Variants in GPC5 observed in about 807,000 individuals in gnomAD.
The protein encoded by GPC5 is glypican-5.
A neutral mutation model predicts 53.9 loss-of-function variants in GPC5; 47 were observed. That is an observed-to-expected ratio of 0.87 (90% confidence interval 0.69 to 1.11). GPC5 has a LOEUF of 1.11. Ranked by LOEUF, GPC5 falls within the 50% of genes most tolerant of loss-of-function variation. GPC5 has a pLI of 0.00. For missense variants in GPC5, 748 were observed against 713.1 expected (o/e 1.05, Z -0.56); for synonymous variants, 286 against 263.3 (o/e 1.09, Z -0.84).
intron 7 of GPC5, among the ~76,000 whole-genome samples, chr13:92,666,635 G>A (rs1886574868): frequency 1.3e-5 from 2 of 152,138 alleles, no homozygotes; most frequent in African/African-American, 4.8e-5. Context: ...GTAGACTAGT[G>A]AATTAAAATT....
chr13:92,621,647 C>T (rs773470027), intron 7 of GPC5, among the ~76,000 whole-genome samples: 8 of 151,954 alleles, frequency 5.3e-5, no homozygotes, highest in Non-Finnish European at 1.0e-4. Flanking sequence ...TGGTGGAACC[C>T]CTGTCTCTAC....
At position 92,257,546 on chromosome 13, in the gene GPC5, A is replaced by T. The variant is rs1594042714; in HGVS notation, c.1561+112557A>T. On this transcript the variant is annotated intron_variant, in intron 7 of 7. Coordinates refer to ENST00000377067, the MANE Select transcript of GPC5 (RefSeq NM_004466.6). ...AGTGAGAGAGGTTTCTAATACAGGG[A>T]TTTTTTTTTTTTTTTTTTTTTGGGG... is the stretch of plus-strand genomic sequence containing the variant. Among the ~76,000 whole-genome samples, 145 of 72,924 alleles carry T rather than the reference A, an allele frequency of 2.0e-3. 1 individual carries two copies. Among genetic ancestry groups the T allele is most frequent in the African/African-American group, 3.6e-3 (46 of 12,938 alleles). 47.8% of individuals were successfully genotyped at this position (72,924 alleles called of 152,430 possible).
rs377181007 is a variant in GPC5, at chr13:92,193,336, CA to C, written c.1561+48350del. ...ACTGGTTCATAACTCAAAATGGAAT[CA>C]AATAGCATACATATTTGCATTTATA... On this transcript the variant is annotated intron_variant, in intron 7 of 7. Transcript: ENST00000377067. 4.6e-4 allele frequency among the ~76,000 whole-genome samples: 70 copies of C among 152,068 alleles called. 1 individual carries two copies. Among genetic ancestry groups the C allele is most frequent in the African/African-American group, 1.6e-3 (68 of 41,406 alleles).
intron 1 of GPC5, among the ~76,000 whole-genome samples, chr13:91,431,144 G>T (rs576120353): frequency 4.6e-5 from 7 of 152,250 alleles, no homozygotes; most frequent in African/African-American, 1.4e-4. Flanking sequence ...CTCCCAAAGT[G>T]CTGGGATTAC....
chr13:91,914,382 A>G (rs2039638626), intron 6 of GPC5, among the ~76,000 whole-genome samples: 1 of 152,146 alleles, frequency 6.6e-6, no homozygotes, highest in Non-Finnish European at 1.5e-5. Flanking sequence ...AAACCTAACA[A>G]TTCAAATAAC....
chr13:92,672,978 C>T (rs1886800552), intron 7 of GPC5, among the ~76,000 whole-genome samples: 1 of 151,950 alleles, frequency 6.6e-6, no homozygotes, highest in Non-Finnish European at 1.5e-5. Flanking sequence ...TACCACAAAC[C>T]CCCATGACAC....
chr13:92,226,288 C>T (rs532241483), intron 7 of GPC5, among the ~76,000 whole-genome samples: 168 of 152,278 alleles, frequency 1.1e-3, no homozygotes, highest in Non-Finnish European at 2.1e-3. Context: ...CATTCCAGTT[C>T]ATTTTTATTT....
chr13:92,265,972 G>C (rs1198027193), intron 7 of GPC5, among the ~76,000 whole-genome samples: 1 of 152,204 alleles, frequency 6.6e-6, no homozygotes, highest in Admixed American at 6.5e-5. Flanking sequence ...GAGAAAGCAA[G>C]AGGGGACTGA....
chr13:91,495,130 A>T (rs1236558731), intron 2 of GPC5, among the ~76,000 whole-genome samples: 1 of 152,214 alleles, frequency 6.6e-6, no homozygotes, highest in Non-Finnish European at 1.5e-5. Context: ...TTCTGAAGTC[A>T]TCCTTGATTC....
At chr13:91,669,915 C>A (rs183293238) in intron 2 of GPC5, among the ~76,000 whole-genome samples, 1 of 152,302 alleles carries the variant, frequency 6.6e-6, no homozygotes, top group Admixed American at 6.5e-5. Context: ...GCTTGAATAT[C>A]TAAATTATGA....
At chr13:91,907,349 CTT>C (rs1266805769) in intron 5 of GPC5, among the ~76,000 whole-genome samples, 1 of 147,020 alleles carries the variant, frequency 6.8e-6, no homozygotes, top group African/African-American at 2.5e-5. Flanking sequence ...AGTTTAATCA[CTT>C]ATTACTTGGA....
chr13:92,465,348 G>T (rs1336263472), intron 7 of GPC5, among the ~76,000 whole-genome samples: 2 of 152,010 alleles, frequency 1.3e-5, no homozygotes, highest in African/African-American at 2.4e-5. Context: ...TCTTAGACAT[G>T]AATGAACTAT....
intron 7 of GPC5, among the ~76,000 whole-genome samples, chr13:92,196,298 T>C (rs746419916): frequency 5.9e-5 from 9 of 152,162 alleles, no homozygotes; most frequent in Non-Finnish European, 1.2e-4. Context: ...TAAGATTTAA[T>C]TAGACAGATT....
intron 2 of GPC5, among the ~76,000 whole-genome samples, chr13:91,456,301 T>C (rs1001263468): frequency 5.3e-5 from 8 of 152,106 alleles, no homozygotes; most frequent in African/African-American, 1.7e-4. Context: ...AATCTTTTTT[T>C]TTAGTATTAG....
chr13:91,773,765 G>T (rs1379304787), intron 5 of GPC5, among the ~76,000 whole-genome samples: 1 of 152,144 alleles, frequency 6.6e-6, no homozygotes, highest in Admixed American at 6.5e-5. Flanking sequence ...ATGCAGACAT[G>T]CAAGTCAGCT....
At chr13:92,439,011 T>G (rs990835016) in intron 7 of GPC5, among the ~76,000 whole-genome samples, 2 of 152,124 alleles carry the variant, frequency 1.3e-5, no homozygotes, top group African/African-American at 4.8e-5. Flanking sequence ...GGAGCTCAGA[T>G]AAAAGACCAG....
At chr13:92,256,033 T>A in intron 7 of GPC5, among the ~76,000 whole-genome samples, 1 of 152,062 alleles carries the variant, frequency 6.6e-6, no homozygotes, top group East Asian at 1.9e-4. Flanking sequence ...TCCAACAACA[T>A]TGATGTTACT....
chr13:92,117,135 T>G (rs1566442334), intron 6 of GPC5, among the ~76,000 whole-genome samples: 1 of 152,196 alleles, frequency 6.6e-6, no homozygotes, highest in Non-Finnish European at 1.5e-5. Flanking sequence ...CTGTGTTTCT[T>G]TCTAAAAGTT....
intron 7 of GPC5, among the ~76,000 whole-genome samples, chr13:92,740,190 G>T (rs1889047473): frequency 6.6e-6 from 1 of 151,916 alleles, no homozygotes; most frequent in East Asian, 1.9e-4. Flanking sequence ...CAGGTATTCT[G>T]AGCCCACCCT....
Sources: allele counts gnomAD v4.1 joint callset (sites outside exome capture counted in the v4.1 genomes callset), GRCh38; gene constraint gnomAD v4.1.1; transcripts MANE v1.5; gene names NCBI Gene and HGNC (gene_info 2026-07-23, HGNC 2026-07-21).